Variants in FAM135A observed in about 807,000 individuals in gnomAD.
FAM135A encodes family with sequence similarity 135 member A, also known as protein FAM135A.
Under a neutral mutation model 146.8 loss-of-function variants are expected in FAM135A, and 79 were observed. The observed-to-expected ratio is 0.54, with a 90% confidence interval of 0.45 to 0.65. The LOEUF (loss-of-function observed/expected upper bound fraction) is 0.65. FAM135A is among the 30% of genes least tolerant of loss of function. The pLI, the probability that FAM135A is intolerant of heterozygous loss-of-function variation, is 0.00. For synonymous variants in FAM135A, 562 were observed against 603.6 expected, an observed-to-expected ratio of 0.93 and a Z score of 1.01; for missense variants, 1,623 against 1,758.2, an observed-to-expected ratio of 0.92 and a Z score of 1.38.
At chr6:70,532,830 C>T (rs1412282100) in intron 16 of FAM135A, among the ~76,000 whole-genome samples, 2 of 151,828 alleles carry the variant, frequency 1.3e-5, no homozygotes, top group African/African-American at 4.8e-5. Flanking sequence ...TACTTGGGAG[C>T]TTGAGGCAGG....
intron 12 of FAM135A, among the ~76,000 whole-genome samples, chr6:70,518,092 C>T (rs1406378386): frequency 9.9e-5 from 15 of 152,242 alleles, no homozygotes; most frequent in Admixed American, 8.5e-4. Flanking sequence ...TCTCTTGCAC[C>T]AGTTAGCCAA....
At chr6:70,516,704 T>G (rs1013515709) in intron 12 of FAM135A, among the ~76,000 whole-genome samples, 2 of 151,860 alleles carry the variant, frequency 1.3e-5, no homozygotes, top group Non-Finnish European at 2.9e-5. Flanking sequence ...CTGGCTAATT[T>G]TTTTGTATTT....
chr6:70,455,015 TTGGGCAG>T (rs1386910819), intron 5 of FAM135A, among the ~76,000 whole-genome samples: 1 of 152,200 alleles, frequency 6.6e-6, no homozygotes, highest in Non-Finnish European at 1.5e-5. Context: ...ATAAATTACC[TTGGGCAG>T]TATGGCCATT....
At chr6:70,495,278 T>C (rs950534227) in intron 11 of FAM135A, among the ~76,000 whole-genome samples, 1 of 152,160 alleles carries the variant, frequency 6.6e-6, no homozygotes, top group African/African-American at 2.4e-5. Context: ...AACATGTAAA[T>C]GTTTGTTGTG....
chr6:70,502,755 AAG>A lies in FAM135A; in HGVS notation c.995_996del (p.Arg332AsnfsTer17). ...LEVITLHEEL[R>X]ILLAQEHHTL... ...AAGTTATAACGCTACACGAAGAACT[AAG>A]AATATTATTAGCACAAGAGCACCAT... On this transcript the variant is annotated frameshift_variant, in exon 12 of 22. Coordinates refer to ENST00000418814, the MANE Select transcript of FAM135A (RefSeq NM_001162529.3). LOFTEE classifies it high-confidence loss of function. The A allele has an allele frequency of 6.2e-7, 1 of 1,612,770 alleles. No individual in the cohort carries two copies. The highest frequency in any genetic ancestry group is 8.5e-7 in the Non-Finnish European group (1 of 1,179,212).
At chr6:70,510,513 A>G (rs1382558144) in intron 12 of FAM135A, among the ~76,000 whole-genome samples, 1 of 152,064 alleles carries the variant, frequency 6.6e-6, no homozygotes, top group Non-Finnish European at 1.5e-5. Context: ...GAAGTTTCAT[A>G]TAAATGTAAT....
At chr6:70,457,355 T>C (rs1215628793) in intron 5 of FAM135A, among the ~76,000 whole-genome samples, 1 of 152,218 alleles carries the variant, frequency 6.6e-6, no homozygotes, top group Non-Finnish European at 1.5e-5. Context: ...ATTCTTTCCG[T>C]ACGTAGTTTC....
intron 18 of FAM135A, among the ~76,000 whole-genome samples, chr6:70,535,453 C>G (rs1213740721): frequency 6.6e-6 from 1 of 152,156 alleles, no homozygotes; most frequent in Non-Finnish European, 1.5e-5. Context: ...GCATTACCAC[C>G]TGAGCTCAGC....
intron 16 of FAM135A, 73 bp downstream of exon 16, chr6:70,528,525 AT>A: frequency 1.5e-6 from 2 of 1,320,494 alleles, no homozygotes; most frequent in Non-Finnish European, 2.0e-6. Flanking sequence ...ATTTAGTTTC[AT>A]TTAGTCTTTG....
intron 12 of FAM135A, among the ~76,000 whole-genome samples, chr6:70,520,513 CTG>C (rs1193323552): frequency 6.6e-6 from 1 of 152,092 alleles, no homozygotes. Context: ...GTATTTAACT[CTG>C]TGAAGCATTA....
intron 12 of FAM135A, among the ~76,000 whole-genome samples, chr6:70,512,339 T>A (rs567884214): frequency 7.2e-4 from 109 of 152,070 alleles, no homozygotes; most frequent in South Asian, 2.3e-3. Context: ...CTACAGATCT[T>A]TTTTGTGAAC....
At chr6:70,478,826 G>A (rs981640728) in intron 8 of FAM135A, among the ~76,000 whole-genome samples, 1 of 151,982 alleles carries the variant, frequency 6.6e-6, no homozygotes, top group Admixed American at 6.6e-5. Flanking sequence ...AAGCAGGAAG[G>A]TGTTTTTTTA....
chr6:70,558,525 ATTGT>A (rs1189254430), intron 21 of FAM135A, among the ~76,000 whole-genome samples: 3 of 152,174 alleles, frequency 2.0e-5, no homozygotes, highest in Non-Finnish European at 2.9e-5. Context: ...TTAGCTAAAC[ATTGT>A]TTGGGCGCAG....
intron 1 of FAM135A, among the ~76,000 whole-genome samples, chr6:70,414,463 C>T (rs1237454652): frequency 6.6e-6 from 1 of 152,110 alleles, no homozygotes; most frequent in East Asian, 1.9e-4. Flanking sequence ...TTCCATTCTG[C>T]ACCCAGTGAG....
At chr6:70,516,741 T>A (rs1792349220) in intron 12 of FAM135A, among the ~76,000 whole-genome samples, 1 of 152,002 alleles carries the variant, frequency 6.6e-6, no homozygotes. Flanking sequence ...TTCACCGTGT[T>A]AGCCAGGATG....
chr6:70,417,299 T>C (rs1177102520), intron 2 of FAM135A, among the ~76,000 whole-genome samples: 1 of 151,558 alleles, frequency 6.6e-6, no homozygotes, highest in Admixed American at 6.6e-5. Flanking sequence ...GTATTGCCTC[T>C]ACCTCCCGGA....
chr6:70,493,353 C>T (rs1055680662), intron 11 of FAM135A, among the ~76,000 whole-genome samples: 4 of 151,632 alleles, frequency 2.6e-5, no homozygotes, highest in African/African-American at 7.3e-5. Context: ...AGTGGCGTGA[C>T]GAATAAGGTT....
intron 20 of FAM135A, among the ~76,000 whole-genome samples, chr6:70,544,744 C>T (rs1197804718): frequency 1.4e-5 from 2 of 146,716 alleles, no homozygotes; most frequent in African/African-American, 4.9e-5. Context: ...GTCTCAAAAA[C>T]TTAAAAAAAA....
At chr6:70,520,888 A>G (rs1016100923) in intron 12 of FAM135A, among the ~76,000 whole-genome samples, 3 of 152,238 alleles carry the variant, frequency 2.0e-5, no homozygotes, top group Non-Finnish European at 2.9e-5. Flanking sequence ...TTGGGTGCAT[A>G]CAAGAAAGAT....
Sources: gnomAD v4.1 joint callset for allele counts (sites outside exome capture counted in the v4.1 genomes callset) on GRCh38, gnomAD v4.1.1 for gene constraint, MANE v1.5 for transcripts, NCBI Gene and HGNC (gene_info 2026-07-23, HGNC 2026-07-21) for gene names.